Variants in NR3C2 observed in about 807,000 individuals in gnomAD.
NR3C2 encodes the protein nuclear receptor subfamily 3 group C member 2, also known as mineralocorticoid receptor.
Under a neutral mutation model 86.4 loss-of-function variants are expected in NR3C2, and 15 were observed. The ratio of observed to expected loss-of-function variants is 0.17; its 90% CI spans 0.12 to 0.27. The LOEUF is 0.27. Ranked by LOEUF, NR3C2 falls within the 10% of genes least tolerant of loss-of-function variation. The pLI, the probability that NR3C2 is intolerant of heterozygous loss-of-function variation, is 1.00. For missense variants in NR3C2, 960 were observed against 1,195.6 expected (o/e 0.80, Z 2.91); for synonymous variants, 458 against 450.5 (o/e 1.02, Z -0.21).
At chr4:148,198,489 G>T (rs1005421673) in intron 3 of NR3C2, among the ~76,000 whole-genome samples, 2 of 151,982 alleles carry the variant, frequency 1.3e-5, no homozygotes, top group African/African-American at 4.8e-5. Flanking sequence ...CAATGAAAAG[G>T]GGACCAGCTT....
intron 2 of NR3C2, among the ~76,000 whole-genome samples, chr4:148,360,216 A>G (rs1031042653): frequency 2.0e-5 from 3 of 152,214 alleles, no homozygotes; most frequent in Non-Finnish European, 4.4e-5. Flanking sequence ...TTTAGCATCA[A>G]GCACTGTAGA....
chr4:148,081,096 G>A lies in NR3C2; in HGVS notation c.*248C>T. On this transcript the variant is annotated 3_prime_UTR_variant, in exon 9 of 9. Coordinates refer to ENST00000358102, the MANE Select transcript of NR3C2 (RefSeq NM_000901.5). ...GACTAGATATGGCTTTTCATCCCGA[G>A]GAACAGGAACATGTTTCTAAGCGCT... 3.7e-6 allele frequency: 2 copies of A among 533,886 alleles called. No individual in the cohort carries two copies. Among genetic ancestry groups the A allele is most frequent in the Non-Finnish European group, 6.8e-6 (2 of 293,618 alleles). 33.1% of individuals were successfully genotyped at this position (533,886 alleles called of 1,614,324 possible).
intron 2 of NR3C2, among the ~76,000 whole-genome samples, chr4:148,321,811 T>G (rs1347017094): frequency 1.3e-5 from 2 of 152,172 alleles, no homozygotes; most frequent in Admixed American, 6.5e-5. Context: ...CAGCACACTG[T>G]TGGGTCTTGA....
chr4:148,391,099 T>G (rs1034541437), intron 2 of NR3C2, among the ~76,000 whole-genome samples: 1 of 152,232 alleles, frequency 6.6e-6, no homozygotes, highest in Non-Finnish European at 1.5e-5. Flanking sequence ...GAGGAACTGA[T>G]AGCATAAGGA....
chr4:148,306,114 C>T (rs1364099032), intron 2 of NR3C2, among the ~76,000 whole-genome samples: 1 of 152,186 alleles, frequency 6.6e-6, no homozygotes, highest in Non-Finnish European at 1.5e-5. Context: ...CATGTTTTCA[C>T]AAACTGAATT....
At chr4:148,216,110 C>T (rs890925667) in intron 3 of NR3C2, among the ~76,000 whole-genome samples, 11 of 152,038 alleles carry the variant, frequency 7.2e-5, no homozygotes, top group African/African-American at 2.7e-4. Flanking sequence ...GGAAAGCAAC[C>T]ATAGATGATA....
At chr4:148,127,325 T>A (rs767054868) in intron 6 of NR3C2, among the ~76,000 whole-genome samples, 2 of 152,242 alleles carry the variant, frequency 1.3e-5, no homozygotes, top group Non-Finnish European at 2.9e-5. Context: ...AATATTGGTA[T>A]TAATTTTGCA....
intron 2 of NR3C2, among the ~76,000 whole-genome samples, chr4:148,318,487 C>T (rs1477847410): frequency 2.7e-5 from 4 of 149,618 alleles, no homozygotes; most frequent in Non-Finnish European, 5.9e-5. Flanking sequence ...TTTACAGTCC[C>T]ACCAACAGTG....
intron 4 of NR3C2, among the ~76,000 whole-genome samples, chr4:148,188,927 G>GTT (rs770094656): frequency 0.1 from 13,039 of 127,222 alleles, 860 homozygotes; most frequent in Non-Finnish European, 0.14. Context: ...ATTTTGCTGA[G>GTT]TTTTTTTTTT....
chr4:148,319,247 G>C (rs1438995603), intron 2 of NR3C2, among the ~76,000 whole-genome samples: 2 of 151,992 alleles, frequency 1.3e-5, no homozygotes, highest in African/African-American at 4.8e-5. Context: ...TCTCTGTTTT[G>C]GTACTAGTAC....
rs1190061685 is a variant in NR3C2 at position 148,130,794 on chromosome 4, TTTTTGTTTTG to T, written c.2511-10516_2511-10507del. On this transcript the variant is annotated intron_variant, in intron 6 of 8. Coordinates refer to ENST00000358102, the MANE Select transcript of NR3C2 (RefSeq NM_000901.5). ...AGGCCTCTCAATGAACACGTTTTTT[TTTTTGTTTTG>T]TTTTGTTTTGTTTTGTTTTTTTTTT... Among the ~76,000 whole-genome samples the T allele has an allele frequency of 2.1e-3, 234 of 114,082 alleles. 1 individual carries two copies. The highest frequency in any genetic ancestry group is 6.4e-3 in the African/African-American group (190 of 29,482). 74.8% of individuals were successfully genotyped at this position (114,082 alleles called of 152,430 possible).
intron 6 of NR3C2, among the ~76,000 whole-genome samples, chr4:148,122,474 A>C (rs1463871844): frequency 6.6e-6 from 1 of 152,182 alleles, no homozygotes; most frequent in East Asian, 1.9e-4. Context: ...GAAATCGGAG[A>C]GTCTCTGTAT....
chr4:148,357,418 A>G (rs964860804), intron 2 of NR3C2, among the ~76,000 whole-genome samples: 1 of 152,170 alleles, frequency 6.6e-6, no homozygotes, highest in African/African-American at 2.4e-5. Flanking sequence ...ATTCCTTTAC[A>G]TAAGGTATAT....
intron 3 of NR3C2, among the ~76,000 whole-genome samples, chr4:148,199,912 G>C (rs1560974083): frequency 6.6e-6 from 1 of 152,142 alleles, no homozygotes; most frequent in Non-Finnish European, 1.5e-5. Flanking sequence ...ATGTGTTCTT[G>C]ATATGTTCTG....
chr4:148,249,244 A>C (rs1253124304), intron 3 of NR3C2, among the ~76,000 whole-genome samples: 1 of 152,162 alleles, frequency 6.6e-6, no homozygotes, highest in Non-Finnish European at 1.5e-5. Flanking sequence ...CAAATTGAAG[A>C]AGAAAATAAA....
intron 2 of NR3C2, among the ~76,000 whole-genome samples, chr4:148,427,644 G>C (rs1013899620): frequency 1.3e-5 from 2 of 152,032 alleles, no homozygotes; most frequent in Non-Finnish European, 2.9e-5. Flanking sequence ...CATAGAAAGG[G>C]GGGGTGTCCC....
At chr4:148,309,341 C>T (rs1202425790) in intron 2 of NR3C2, among the ~76,000 whole-genome samples, 3 of 152,080 alleles carry the variant, frequency 2.0e-5, no homozygotes, top group African/African-American at 7.2e-5. Flanking sequence ...TAATTATGAA[C>T]AAAACACAAT....
chr4:148,178,503 A>G (rs1266445391), intron 4 of NR3C2, among the ~76,000 whole-genome samples: 1 of 151,810 alleles, frequency 6.6e-6, no homozygotes, highest in African/African-American at 2.4e-5. Flanking sequence ...GATGTTCTGC[A>G]ATTAGCAGAT....
At chr4:148,359,509 T>C (rs1745734419) in intron 2 of NR3C2, among the ~76,000 whole-genome samples, 1 of 152,156 alleles carries the variant, frequency 6.6e-6, no homozygotes, top group Non-Finnish European at 1.5e-5. Context: ...TCTACGAAAC[T>C]AAGGGATAAA....
Sources: allele counts gnomAD v4.1 joint callset (sites outside exome capture counted in the v4.1 genomes callset), GRCh38; gene constraint gnomAD v4.1.1; transcripts MANE v1.5; gene names NCBI Gene and HGNC (gene_info 2026-07-23, HGNC 2026-07-21).